The following NF1 variants were observed in gnomAD, a reference collection of about 807,000 sequenced individuals.
NF1 encodes neurofibromin.
In NF1, 122 loss-of-function variants were observed where a neutral mutation model predicts 325.7. The ratio of observed to expected loss-of-function variants is 0.37; its 90% CI spans 0.32 to 0.44. The LOEUF is 0.44. Ranked by LOEUF, NF1 falls within the 20% of genes least tolerant of loss-of-function variation. The pLI is 1.00. For missense variants in NF1, 2,140 were observed against 3,415.4 expected, an observed-to-expected ratio of 0.63 and a Z score of 9.31; for synonymous variants, 1,091 against 1,186.0, an observed-to-expected ratio of 0.92 and a Z score of 1.65.
intron 1 of NF1, among the ~76,000 whole-genome samples, chr17:31,099,850 C>G (rs376443423): frequency 6.6e-6 from 1 of 151,994 alleles, no homozygotes; most frequent in South Asian, 2.1e-4. Context: ...CGTGAGCCAC[C>G]ACGCCCGGCC....
intron 46 of NF1, among the ~76,000 whole-genome samples, chr17:31,339,764 A>G (rs1032920619): frequency 4.6e-5 from 7 of 152,216 alleles, no homozygotes; most frequent in African/African-American, 1.4e-4. Flanking sequence ...CCAGTAATAA[A>G]TACTTTTAAT....
rs571235007 is a variant in NF1, at chr17:31,287,544, G to C, written c.4835+22205G>C. 1.8e-3 allele frequency among the ~76,000 whole-genome samples: 175 copies of C among 95,568 alleles called. 2 individuals carry two copies. In the East Asian group the frequency reaches 0.091, roughly 50 times the overall value. The allele number at this position is 95,568 out of a possible 152,430, so 62.7% of individuals were successfully genotyped here. A position where few individuals can be genotyped will look rare whatever the true frequency, so the allele number is the denominator to read the frequency against. The stretch of plus-strand genomic sequence containing the variant: ...CTGTGCTTTGATCTCATTCATAACT[G>C]TGTGTGTGTGTGTGTGTGTGTGTGT... On this transcript the variant is annotated intron_variant, in intron 36 of 57. Transcript: ENST00000358273.
chr17:31,162,132 A>T (rs2065773270), intron 3 of NF1, among the ~76,000 whole-genome samples: 1 of 152,018 alleles, frequency 6.6e-6, no homozygotes, highest in African/African-American at 2.4e-5. Context: ...AATCAAGGAT[A>T]TGGAACATTC....
intron 34 of NF1, among the ~76,000 whole-genome samples, chr17:31,261,220 G>T (rs1195700060): frequency 6.6e-6 from 1 of 151,194 alleles, no homozygotes; most frequent in African/African-American, 2.4e-5. Flanking sequence ...TCCAGCCTGG[G>T]CCACAAGAGC....
chr17:31,227,068 C>G (rs1365345267), intron 18 of NF1, 150 bp from the exon 19 acceptor site: 1 of 780,866 alleles, frequency 1.3e-6, no homozygotes, highest in African/African-American at 1.7e-5. Flanking sequence ...AGTACCTTTC[C>G]TGTGAGGTTA....
intron 27 of NF1, among the ~76,000 whole-genome samples, chr17:31,234,019 C>T (rs992488423): frequency 1.3e-5 from 2 of 152,156 alleles, no homozygotes; most frequent in African/African-American, 4.8e-5. Flanking sequence ...CCTTTCTGTC[C>T]CTCCTTGTTA....
At chr17:31,118,472 G>A (rs914067297) in intron 1 of NF1, among the ~76,000 whole-genome samples, 3 of 152,010 alleles carry the variant, frequency 2.0e-5, no homozygotes, top group Admixed American at 2.0e-4. Flanking sequence ...CCCAGTGTGT[G>A]ATGTTCCCCT....
intron 1 of NF1, among the ~76,000 whole-genome samples, chr17:31,146,269 A>G (rs1211758502): frequency 2.0e-5 from 3 of 152,144 alleles, no homozygotes; most frequent in Non-Finnish European, 4.4e-5. Flanking sequence ...TGGGAGCGCC[A>G]ACCCAGATGT....
intron 36 of NF1, among the ~76,000 whole-genome samples, chr17:31,281,815 G>A (rs1268450225): frequency 6.6e-6 from 1 of 152,050 alleles, no homozygotes; most frequent in Non-Finnish European, 1.5e-5. Context: ...CTGCACTTTG[G>A]GAGACTGAGG....
At chr17:31,226,774 A>G in intron 18 of NF1, 90 bp downstream of exon 18, 2 of 1,544,378 alleles carry the variant, frequency 1.3e-6, no homozygotes, top group Non-Finnish European at 8.9e-7. Flanking sequence ...ACTACTTTGT[A>G]AGTTTACAGG....
chr17:31,294,989 G>A, intron 36 of NF1: 1 of 1,613,932 alleles, frequency 6.2e-7, no homozygotes, highest in African/African-American at 1.3e-5. Flanking sequence ...GCTTTCATTA[G>A]TTTCAGAAAA....
At chr17:31,343,405 C>A (rs913385649) in intron 48 of NF1, among the ~76,000 whole-genome samples, 1 of 151,668 alleles carries the variant, frequency 6.6e-6, no homozygotes. Context: ...ATTAGCCAGG[C>A]ATGGTGGCAC....
At chr17:31,307,380 A>G (rs777190442) in intron 36 of NF1, among the ~76,000 whole-genome samples, 3 of 152,340 alleles carry the variant, frequency 2.0e-5, no homozygotes, top group Non-Finnish European at 4.4e-5. Context: ...AGAGAAGTTA[A>G]CCTAGCCTGG....
Position 31,163,283 on chromosome 17 carries a change from A to G in NF1, c.386A>G (p.Gln129Arg), listed in dbSNP as rs1060500250. The change falls in exon 4 of 58, where the codon CAG (glutamine) becomes CGG (arginine). Residue 129 changes from glutamine to arginine, a missense_variant. Coordinates refer to ENST00000358273, the MANE Select transcript of NF1 (RefSeq NM_001042492.3). ...CTTCACACCTGTCGTGAAGGAAACC[A>G]GCATGCAGCTGAACTTCGGAATTCT... is the stretch of plus-strand genomic sequence containing the variant. ...HFLHTCREGN[Q>R]HAAELRNSAS... is the part of the protein sequence containing the mutation. The G allele has an allele frequency of 3.1e-6, 5 of 1,614,064 alleles. No individual in the cohort carries two copies. The highest frequency in any genetic ancestry group is 4.2e-6 in the Non-Finnish European group (5 of 1,180,034).
At chr17:31,200,024 T>G (rs1303996194) in intron 8 of NF1, among the ~76,000 whole-genome samples, 1 of 151,798 alleles carries the variant, frequency 6.6e-6, no homozygotes, top group Non-Finnish European at 1.5e-5. Flanking sequence ...TAAACCCAGC[T>G]ACTCTGGAGG....
At chr17:31,350,141 T>C in intron 49 of NF1, 42 bp from the exon 50 acceptor site, 1 of 1,612,340 alleles carries the variant, frequency 6.2e-7, no homozygotes, top group Middle Eastern at 1.7e-4. Flanking sequence ...GTCACACTTG[T>C]GATTTGTTAA....
chr17:31,274,303 G>A (rs1170376435), intron 36 of NF1, among the ~76,000 whole-genome samples: 1 of 152,066 alleles, frequency 6.6e-6, no homozygotes, highest in Non-Finnish European at 1.5e-5. Flanking sequence ...ATGATAACTA[G>A]CATATAGGGA....
intron 29 of NF1, among the ~76,000 whole-genome samples, chr17:31,244,451 A>G (rs541970616): frequency 6.6e-6 from 1 of 152,080 alleles, no homozygotes; most frequent in South Asian, 2.1e-4. Context: ...AGGGCACTTT[A>G]GCTCTTGGTG....
At chr17:31,225,279 C>G (rs2144028493) in intron 17 of NF1, 29 bp downstream of exon 17, 1 of 1,609,712 alleles carries the variant, frequency 6.2e-7, no homozygotes, top group South Asian at 1.1e-5. Context: ...TTTTCTGTAT[C>G]ATTTTATGTG....
Sources: gnomAD v4.1 joint callset for allele counts (sites outside exome capture counted in the v4.1 genomes callset) on GRCh38, gnomAD v4.1.1 for gene constraint, MANE v1.5 for transcripts, NCBI Gene and HGNC (gene_info 2026-07-23, HGNC 2026-07-21) for gene names.